PRH1: variants seen among roughly 807,000 people sequenced by gnomAD.
The protein encoded by PRH1 is salivary acidic proline-rich phosphoprotein 1/2.
PRH1 carries 7 observed loss-of-function variants against 7.9 expected under a neutral mutation model. The observed-to-expected ratio is 0.89, with a 90% confidence interval of 0.50 to 1.67. The LOEUF (loss-of-function observed/expected upper bound fraction) is 1.67. PRH1 is among the 40% of genes most tolerant of loss of function. The pLI, the probability that PRH1 is intolerant of heterozygous loss-of-function variation, is 0.00. For synonymous variants in PRH1, 45 were observed against 80.8 expected, an observed-to-expected ratio of 0.56 and a Z score of 2.38; for missense variants, 109 against 223.6, an observed-to-expected ratio of 0.49 and a Z score of 3.27.
At chr12:11,089,801 T>C (rs1324533014) in intron 1 of PRH1, among the ~76,000 whole-genome samples, 1 of 75,390 alleles carries the variant, frequency 1.3e-5, no homozygotes, top group Non-Finnish European at 3.4e-5. Context: ...ACTATTGTAA[T>C]AGGTGCCATC....
chr12:10,958,380 A>G (rs1004788833), intron 2 of PRH1, among the ~76,000 whole-genome samples: 3 of 152,150 alleles, frequency 2.0e-5, no homozygotes, highest in African/African-American at 7.2e-5. Context: ...CAAAGAAGGG[A>G]ACGACAGACA....
At chr12:11,045,019 A>G (rs764391416) in intron 1 of PRH1, among the ~76,000 whole-genome samples, 1 of 152,208 alleles carries the variant, frequency 6.6e-6, no homozygotes, top group Non-Finnish European at 1.5e-5. Context: ...TGTTTGTTGT[A>G]GCACTGTTCA....
chr12:10,960,832 G>A (rs909464865), intron 2 of PRH1, among the ~76,000 whole-genome samples: 1 of 152,146 alleles, frequency 6.6e-6, no homozygotes, highest in Non-Finnish European at 1.5e-5. Context: ...ACAGGTCCAT[G>A]CTCCTGGTCC....
At chr12:10,929,374 T>C (rs1950169434) in intron 2 of PRH1, 5 of 1,613,336 alleles carry the variant, frequency 3.1e-6, no homozygotes. Context: ...TGACTCTGAT[T>C]GGGGTTTACG....
chr12:10,912,035 C>A (rs1026353026), intron 2 of PRH1, among the ~76,000 whole-genome samples: 2 of 152,164 alleles, frequency 1.3e-5, no homozygotes, highest in East Asian at 3.8e-4. Flanking sequence ...TGGAATAATA[C>A]TGTACACAAT....
intron 1 of PRH1, among the ~76,000 whole-genome samples, chr12:11,149,428 G>A (rs1946988974): frequency 6.6e-6 from 1 of 151,144 alleles, no homozygotes; most frequent in Admixed American, 6.6e-5. Flanking sequence ...ATACTACAAG[G>A]CTACAGTAAC....
At chr12:11,137,533 A>C (rs1281309923) in intron 1 of PRH1, among the ~76,000 whole-genome samples, 1 of 152,210 alleles carries the variant, frequency 6.6e-6, no homozygotes, top group East Asian at 1.9e-4. Flanking sequence ...TGCTCATAAA[A>C]TGTGCTATTT....
At chr12:10,893,177 T>C (rs148006024) in intron 2 of PRH1, among the ~76,000 whole-genome samples, 6 of 152,348 alleles carry the variant, frequency 3.9e-5, no homozygotes, top group African/African-American at 9.6e-5. Context: ...TTGTGAGATA[T>C]TGAGCAGCAT....
At chr12:11,150,709 TAC>T (rs1947053749) in intron 1 of PRH1, among the ~76,000 whole-genome samples, 1 of 152,106 alleles carries the variant, frequency 6.6e-6, no homozygotes, top group Non-Finnish European at 1.5e-5. Context: ...TTAGGAGATA[TAC>T]CTAATGCTAA....
intron 1 of PRH1, chr12:11,171,298 T>A: frequency 8.9e-7 from 1 of 1,123,280 alleles, no homozygotes; most frequent in Non-Finnish European, 1.1e-6. Context: ...CGCTAGGAGG[T>A]CCGCGGGCCC....
rs867307110 is a variant in PRH1 at position 11,090,075 on chromosome 12, G to C, written n.124-42887C>G. 6.3e-5 allele frequency among the ~76,000 whole-genome samples: 7 copies of C among 111,698 alleles called. 1 individual carries two copies. Among genetic ancestry groups the C allele is most frequent in the Admixed American group, 9.1e-5 (1 of 10,960 alleles). The allele number at this position is 111,698 out of a possible 152,430, so 73.3% of individuals were successfully genotyped here. A position where few individuals can be genotyped will look rare whatever the true frequency, so the allele number is the denominator to read the frequency against. On this transcript the variant is annotated intron_variant and non_coding_transcript_variant, in intron 1 of 4. Transcript: ENST00000541977. ...GCCACCCATTTATTTGTTCATTAAA[G>C]TATTAATGAACGTAATAGAATTTAG...
intron 1 of PRH1, among the ~76,000 whole-genome samples, chr12:10,883,773 A>G (rs540055046): frequency 6.6e-6 from 1 of 152,282 alleles, no homozygotes; most frequent in Admixed American, 6.5e-5. Flanking sequence ...TATCTCCTTC[A>G]TTAATGCTCA....
At chr12:11,017,443 G>T (rs11054166) in intron 1 of PRH1, among the ~76,000 whole-genome samples, 1 of 151,854 alleles carries the variant, frequency 6.6e-6, no homozygotes, top group Non-Finnish European at 1.5e-5. Context: ...GTTTTCAGGG[G>T]TCCCATATTC....
chr12:11,035,481 G>A (rs1942397980), intron 1 of PRH1, among the ~76,000 whole-genome samples: 1 of 152,102 alleles, frequency 6.6e-6, no homozygotes, highest in South Asian at 2.1e-4. Context: ...TGTTTTAGAA[G>A]TAGAAATGAA....
At chr12:10,988,110 G>C (rs1939743974) in intron 1 of PRH1, among the ~76,000 whole-genome samples, 1 of 152,128 alleles carries the variant, frequency 6.6e-6, no homozygotes, top group Admixed American at 6.5e-5. Flanking sequence ...ATTGGCCAAA[G>C]TCTAACTAGC....
Position 10,880,979 on chromosome 12 carries a change from T to C in PRH1, c.*96A>G, listed in dbSNP as rs545189298. ...ACCAGCAGAAATTGCAAGCTGATTG[T>C]TTTATTGGTATACTGAAGTTAGAGC... is the stretch of plus-strand genomic sequence containing the variant. On this transcript the variant is annotated 3_prime_UTR_variant, in exon 4 of 4. Coordinates refer to ENST00000543626, the MANE Select transcript of PRH1 (RefSeq NM_001393989.1). 2.5e-4 allele frequency: 41 copies of C among 162,402 alleles called. No individual in the cohort carries two copies. Among genetic ancestry groups the C allele is most frequent in the Admixed American group, 2.3e-3 (40 of 17,546 alleles). The allele number at this position is 162,402 out of a possible 1,614,324, so 10.1% of individuals were successfully genotyped here.
intron 1 of PRH1, among the ~76,000 whole-genome samples, chr12:11,170,061 C>T (rs571127618): frequency 6.6e-6 from 1 of 152,088 alleles, no homozygotes; most frequent in Non-Finnish European, 1.5e-5. Flanking sequence ...AAGACTGTAA[C>T]CTTAAGGTCA....
intron 2 of PRH1, among the ~76,000 whole-genome samples, chr12:10,893,538 G>A (rs1402187202): frequency 6.6e-6 from 1 of 152,114 alleles, no homozygotes; most frequent in Non-Finnish European, 1.5e-5. Flanking sequence ...TGTCCCCTAG[G>A]GGGGCAAAAT....
chr12:11,108,762 T>A (rs2093734223), intron 1 of PRH1, among the ~76,000 whole-genome samples: 1 of 152,130 alleles, frequency 6.6e-6, no homozygotes, highest in African/African-American at 2.4e-5. Flanking sequence ...GACACCAAGC[T>A]AGCTGCAGAA....
Sources: gnomAD v4.1 joint callset for allele counts (sites outside exome capture counted in the v4.1 genomes callset) on GRCh38, gnomAD v4.1.1 for gene constraint, MANE v1.5 for transcripts, NCBI Gene and HGNC (gene_info 2026-07-23, HGNC 2026-07-21) for gene names.